The following SLC24A3 variants were observed in gnomAD, a reference collection of about 807,000 sequenced individuals.
SLC24A3 encodes the protein solute carrier family 24 member 3.
SLC24A3 carries 28 observed loss-of-function variants against 75.8 expected under a neutral mutation model. The observed-to-expected ratio is 0.37, with a 90% CI of 0.27 to 0.51. The LOEUF (loss-of-function observed/expected upper bound fraction) is 0.51, where lower values mean the gene tolerates loss of function less well. Among genes scored for constraint, SLC24A3 ranks in the 20% least tolerant of loss-of-function variants. The pLI, the probability that SLC24A3 is intolerant of heterozygous loss-of-function variation, is 0.94. For synonymous variants in SLC24A3, 372 were observed against 334.1 expected, an observed-to-expected ratio of 1.11 and a Z score of -1.24; for missense variants, 663 against 847.8, an observed-to-expected ratio of 0.78 and a Z score of 2.71.
chr20:19,213,094 G>A (rs1259799003), intron 1 of SLC24A3, 110 bp downstream of exon 1: 1 of 1,124,878 alleles, frequency 8.9e-7, no homozygotes, highest in African/African-American at 1.6e-5. Context: ...CCCAGGATAA[G>A]CGGGCTGGGT....
At chr20:19,502,499 C>A (rs1352958705) in intron 2 of SLC24A3, among the ~76,000 whole-genome samples, 1 of 152,056 alleles carries the variant, frequency 6.6e-6, no homozygotes, top group African/African-American at 2.4e-5. Context: ...CCTATAGGGA[C>A]CACATCTCAG....
chr20:19,645,994 G>T (rs533514154), intron 6 of SLC24A3, among the ~76,000 whole-genome samples: 1 of 152,246 alleles, frequency 6.6e-6, no homozygotes, highest in African/African-American at 2.4e-5. Flanking sequence ...AGTCGAGGCT[G>T]CAGTGAGCCA....
chr20:19,274,964 T>G (rs1274736789), intron 1 of SLC24A3, among the ~76,000 whole-genome samples: 6 of 152,214 alleles, frequency 3.9e-5, no homozygotes, highest in Non-Finnish European at 5.9e-5. Context: ...CTGTGTTTCT[T>G]GTGCCGTTAA....
intron 10 of SLC24A3, among the ~76,000 whole-genome samples, 196 bp downstream of exon 10, chr20:19,682,187 A>C (rs2032623013): frequency 6.6e-6 from 1 of 152,216 alleles, no homozygotes; most frequent in South Asian, 2.1e-4. Flanking sequence ...CGCAGGAGGC[A>C]GACGTTGCAG....
chr20:19,651,445 T>C (rs2032202005), intron 6 of SLC24A3, among the ~76,000 whole-genome samples: 1 of 150,350 alleles, frequency 6.7e-6, no homozygotes, highest in African/African-American at 2.4e-5. Flanking sequence ...TGTCTGGTAA[T>C]TTCTAGGGTC....
At position 19,641,388 on chromosome 20, in the gene SLC24A3, G is replaced by C. The variant is rs566438027; in HGVS notation, c.613-12674G>C. Among the ~76,000 whole-genome samples, 7 of 152,162 alleles carry C rather than the reference G, an allele frequency of 4.6e-5. No homozygotes were observed. The East Asian group carries it at 1.4e-3, about 29-fold the overall frequency. On this transcript the variant is annotated intron_variant, in intron 6 of 16. Transcript: ENST00000328041. Reference sequence around the variant, plus strand: ...CCACACATCTTGTTTTATGCTGATGGGACTCTCAAAGTAAATTTTTATTAT... The same window carrying C: ...CCACACATCTTGTTTTATGCTGATGCGACTCTCAAAGTAAATTTTTATTAT...
At chr20:19,711,641 T>C (rs896083019) in intron 15 of SLC24A3, among the ~76,000 whole-genome samples, 4 of 151,374 alleles carry the variant, frequency 2.6e-5, no homozygotes, top group Non-Finnish European at 5.9e-5. Context: ...AGCAGATGCT[T>C]TTTTCTTTTT....
At chr20:19,515,877 C>A (rs1446522300) in intron 3 of SLC24A3, among the ~76,000 whole-genome samples, 1 of 152,218 alleles carries the variant, frequency 6.6e-6, no homozygotes, top group African/African-American at 2.4e-5. Flanking sequence ...TTGGGGAGCC[C>A]TTTCCTAACT....
At chr20:19,684,435 A>G in intron 11 of SLC24A3, 99 bp downstream of exon 11, 1 of 1,347,112 alleles carries the variant, frequency 7.4e-7, no homozygotes, top group Non-Finnish European at 1.0e-6. Context: ...ACCTAACTCA[A>G]AGTTTAACAC....
At chr20:19,539,356 A>G (rs1460679235) in intron 3 of SLC24A3, among the ~76,000 whole-genome samples, 1 of 152,074 alleles carries the variant, frequency 6.6e-6, no homozygotes, top group Non-Finnish European at 1.5e-5. Flanking sequence ...CCTATGCTGG[A>G]TTTCAGCTGG....
chr20:19,592,699 A>G (rs1407260935), intron 6 of SLC24A3, among the ~76,000 whole-genome samples: 1 of 151,290 alleles, frequency 6.6e-6, no homozygotes, highest in Non-Finnish European at 1.5e-5. Context: ...TTCTCTTGAA[A>G]CTCACTTCCA....
intron 2 of SLC24A3, among the ~76,000 whole-genome samples, chr20:19,467,683 C>A (rs1987790466): frequency 1.3e-5 from 2 of 151,866 alleles, no homozygotes; most frequent in Admixed American, 1.3e-4. Flanking sequence ...GAAGTCGAGA[C>A]CAGCCTGGCC....
At chr20:19,653,507 C>T (rs1340100679) in intron 6 of SLC24A3, among the ~76,000 whole-genome samples, 3 of 152,326 alleles carry the variant, frequency 2.0e-5, no homozygotes, top group East Asian at 3.9e-4. Context: ...TTCTGAAGGG[C>T]GGCAGCAGCC....
chr20:19,605,826 C>CT (rs1406910025), intron 6 of SLC24A3, among the ~76,000 whole-genome samples: 4 of 152,114 alleles, frequency 2.6e-5, no homozygotes, highest in African/African-American at 9.7e-5. Flanking sequence ...TATCAGACTG[C>CT]TTTTTTTCCC....
chr20:19,599,841 A>G (rs1014800349), intron 6 of SLC24A3, among the ~76,000 whole-genome samples: 13 of 152,132 alleles, frequency 8.5e-5, no homozygotes, highest in Non-Finnish European at 1.9e-4. Context: ...TGTTCCTGGC[A>G]TCTACTCTCT....
At chr20:19,450,999 C>CA (rs1370301649) in intron 2 of SLC24A3, among the ~76,000 whole-genome samples, 15 of 150,146 alleles carry the variant, frequency 1.0e-4, no homozygotes, top group Admixed American at 6.6e-4. Flanking sequence ...GACTCTGTTT[C>CA]AAAAAAAAAG....
At chr20:19,552,827 C>T (rs754992564) in intron 3 of SLC24A3, among the ~76,000 whole-genome samples, 13 of 152,078 alleles carry the variant, frequency 8.5e-5, no homozygotes, top group Non-Finnish European at 1.6e-4. Flanking sequence ...GTTTCTGTGA[C>T]AAGTATGGAC....
intron 2 of SLC24A3, among the ~76,000 whole-genome samples, chr20:19,478,199 G>A (rs1987993694): frequency 6.6e-6 from 1 of 152,156 alleles, no homozygotes; most frequent in Non-Finnish European, 1.5e-5. Context: ...TCCTGAAATT[G>A]ATAACTGGCA....
intron 1 of SLC24A3, among the ~76,000 whole-genome samples, chr20:19,267,821 T>C (rs1983212583): frequency 6.6e-6 from 1 of 152,118 alleles, no homozygotes; most frequent in Non-Finnish European, 1.5e-5. Context: ...AGGGCAGACA[T>C]GGGGGGCAGT....
Sources: gnomAD v4.1 joint callset for allele counts (sites outside exome capture counted in the v4.1 genomes callset) on GRCh38, gnomAD v4.1.1 for gene constraint, MANE v1.5 for transcripts, NCBI Gene and HGNC (gene_info 2026-07-23, HGNC 2026-07-21) for gene names.